NLRP4: variants seen among roughly 807,000 people sequenced by gnomAD.
The protein encoded by NLRP4 is NLR family pyrin domain containing 4.
In NLRP4, 44 loss-of-function variants were observed where a neutral mutation model predicts 84.7. The observed-to-expected ratio is 0.52, with a 90% confidence interval of 0.41 to 0.67. NLRP4 has a LOEUF of 0.67. NLRP4 is among the 30% of genes least tolerant of loss of function. NLRP4 has a pLI of 0.00. For synonymous variants in NLRP4, 544 were observed against 476.4 expected, an observed-to-expected ratio of 1.14 and a Z score of -1.85; for missense variants, 1,260 against 1,219.4, an observed-to-expected ratio of 1.03 and a Z score of -0.50.
At chr19:55,856,629 C>T (rs1984430798) in intron 2 of NLRP4, among the ~76,000 whole-genome samples, 1 of 151,196 alleles carries the variant, frequency 6.6e-6, no homozygotes, top group African/African-American at 2.4e-5. Context: ...GATTCTCCTG[C>T]CTCAGCCTCC....
At chr19:55,876,906 G>A in intron 7 of NLRP4, 90 bp from the exon 8 acceptor site, 6 of 1,072,212 alleles carry the variant, frequency 5.6e-6, no homozygotes, top group African/African-American at 1.6e-5. Context: ...CCACATGAAT[G>A]ACAAAGGCTG....
chr19:55,864,859 CT>C lies in NLRP4; in HGVS notation c.2186+2705del, dbSNP rs1438899790. Among the ~76,000 whole-genome samples the C allele has an allele frequency of 7.9e-5, 12 of 152,136 alleles. 1 individual carries two copies. The East Asian group carries it at 1.4e-3, about 17-fold the overall frequency. ...CTAATGATGAGCATCTTTTCCTGTG[CT>C]TTTTGATCATTTCTATATCTTCTTT... is the stretch of plus-strand genomic sequence containing the variant. On this transcript the variant is annotated intron_variant, in intron 5 of 9. Transcript: ENST00000301295.
chr19:55,859,795 C>A (rs573410559), intron 3 of NLRP4, among the ~76,000 whole-genome samples: 3 of 151,386 alleles, frequency 2.0e-5, no homozygotes, highest in Non-Finnish European at 4.4e-5. Context: ...GGGTGTGTAG[C>A]GCACACCTGT....
intron 7 of NLRP4, among the ~76,000 whole-genome samples, chr19:55,873,143 TA>T (rs1985252713): frequency 6.6e-6 from 1 of 152,164 alleles, no homozygotes; most frequent in African/African-American, 2.4e-5. Context: ...AAAGTAATTC[TA>T]AAGACTGTTC....
At position 55,858,569 on chromosome 19, in the gene NLRP4, CCAG is replaced by C. The variant is rs1401900985; in HGVS notation, c.1179_1181del (p.Gln393del). 3 of 1,614,036 alleles carry C rather than the reference CCAG, an allele frequency of 1.9e-6. No individual in the cohort carries two copies. Among genetic ancestry groups the C allele is most frequent in the African/African-American group, 2.7e-5 (2 of 74,920 alleles). Reference sequence around the variant, plus strand: ...GTGCCGAGGGCCCGACTCCGCAAACCCAGCACCAGCTGAAGGCCCTGTGCTCCC... The same window carrying C: ...GTGCCGAGGGCCCGACTCCGCAAACCCACCAGCTGAAGGCCCTGTGCTCCC... On this transcript the variant is annotated inframe_deletion, in exon 3 of 10. Transcript: ENST00000301295. This position sits in a 1 kb window ranked among gnomAD's most constrained non-coding sequence, Gnocchi z 4.2.
intron 5 of NLRP4, among the ~76,000 whole-genome samples, chr19:55,863,005 C>T (rs1053056530): frequency 2.0e-4 from 31 of 152,194 alleles, no homozygotes; most frequent in Admixed American, 7.9e-4. Context: ...GACAGAGGGA[C>T]CTGTCTCAGT....
At chr19:55,850,210 C>T (rs1600223233) in intron 1 of NLRP4, among the ~76,000 whole-genome samples, 2 of 145,026 alleles carry the variant, frequency 1.4e-5, no homozygotes, top group Non-Finnish European at 3.0e-5. Context: ...GTGTAATTTC[C>T]GTGGCTGCGG....
Position 55,852,168 on chromosome 19 carries a change from C to T in NLRP4, c.88C>T (p.Leu30Phe), listed in dbSNP as rs763757443. ...KEEFRKFKEH[L>F]KQMTLQLELK... ...GGAGTTCAGGAAATTTAAAGAACAT[C>T]TCAAGCAAATGACTTTGCAGCTTGA... The change falls in exon 2 of 10, where the codon CTC becomes TTC. Residue 30 changes from leucine (L) to phenylalanine (F), a missense_variant. Leu to Phe is a conservative substitution (Grantham distance 22, BLOSUM62 0). Around this residue, in one of 3 missense-constraint regions of NLRP4, gnomAD observed 712 missense variants for 669.2 expected, o/e 1.06. Transcript: ENST00000301295. The T allele has an allele frequency of 6.2e-7, 1 of 1,608,924 alleles. No individual in the cohort carries two copies. The highest frequency in any genetic ancestry group is 1.1e-5 in the South Asian group (1 of 89,704).
Position 55,871,007 on chromosome 19 carries a change from T to C in NLRP4, c.2525+10T>C. ...GCCTGGATTCACTGTGGTAGGCTTT[T>C]TGCTGTTTCTTTGAAGACCAAGCCG... On this transcript the variant is annotated intron_variant, in intron 7 of 9. Transcript: ENST00000301295. 2 of 1,612,330 alleles carry C rather than the reference T, an allele frequency of 1.2e-6. No homozygotes were observed. Among genetic ancestry groups the C allele is most frequent in the East Asian group, 2.2e-5 (1 of 44,812 alleles).
chr19:55,870,803 C>T, intron 6 of NLRP4, 24 bp from the exon 7 acceptor site: 1 of 1,596,012 alleles, frequency 6.3e-7, no homozygotes, highest in Non-Finnish European at 8.6e-7. Flanking sequence ...CTTCACTCTC[C>T]TTCTCGTGTT....
chr19:55,844,974 C>G (rs916155955), intron 1 of NLRP4, among the ~76,000 whole-genome samples: 6 of 152,052 alleles, frequency 3.9e-5, no homozygotes, highest in African/African-American at 1.5e-4. Flanking sequence ...TTCAGAGGAT[C>G]TCTTCCCAGA....
At chr19:55,848,964 G>A (rs1039480050) in intron 1 of NLRP4, among the ~76,000 whole-genome samples, 2 of 152,008 alleles carry the variant, frequency 1.3e-5, no homozygotes, top group Non-Finnish European at 2.9e-5. Flanking sequence ...CATGTAAGAT[G>A]TGCCTTTTGC....
chr19:55,849,987 TTCC>T lies in NLRP4; in HGVS notation c.-65-2028_-65-2026del, dbSNP rs1983984967. Among the ~76,000 whole-genome samples, 7 of 26,416 alleles carry T rather than the reference TTCC, an allele frequency of 2.6e-4. 1 individual carries two copies. The South Asian group carries it at 8.7e-3, about 33-fold the overall frequency. The allele number at this position is 26,416 out of a possible 152,430, so 17.3% of individuals were successfully genotyped here. ...GTAATTTCCGTAGCTGCGGTGTAAT[TTCC>T]GAGACTGCGGTGTGATTTCCGAGAC... On this transcript the variant is annotated intron_variant, in intron 1 of 9. Coordinates refer to ENST00000301295, the MANE Select transcript of NLRP4 (RefSeq NM_134444.5).
At chr19:55,842,304 G>T (rs1983642892) in intron 1 of NLRP4, among the ~76,000 whole-genome samples, 1 of 152,128 alleles carries the variant, frequency 6.6e-6, no homozygotes, top group South Asian at 2.1e-4. Context: ...AGTTCGAGTT[G>T]ACCATCACTT....
chr19:55,843,717 T>C (rs546413241), intron 1 of NLRP4, among the ~76,000 whole-genome samples: 5 of 151,906 alleles, frequency 3.3e-5, no homozygotes, highest in African/African-American at 1.2e-4. Flanking sequence ...AAAAGAAACA[T>C]CCTAGTAGCA....
intron 1 of NLRP4, among the ~76,000 whole-genome samples, chr19:55,850,688 T>TACTTC (rs1984066478): frequency 8.2e-6 from 1 of 122,132 alleles, no homozygotes; most frequent in East Asian, 2.7e-4. Flanking sequence ...CGGTGTAATG[T>TACTTC]CCGTGGCTGC....
chr19:55,878,849 ACCTGCAGTAAGAC>A lies in NLRP4; in HGVS notation c.2760_2772del (p.Lys921SerfsTer4). 2 of 1,613,792 alleles carry A rather than the reference ACCTGCAGTAAGAC, an allele frequency of 1.2e-6. No individual in the cohort carries two copies. Among genetic ancestry groups the A allele is most frequent in the Non-Finnish European group, 1.7e-6 (2 of 1,179,830 alleles). On this transcript the variant is annotated frameshift_variant, in exon 9 of 10. Coordinates refer to ENST00000301295, the MANE Select transcript of NLRP4 (RefSeq NM_134444.5). LOFTEE classifies it high-confidence loss of function. ...CTGTAAGGATCTCGCGTCTGTTCTC[ACCTGCAGTAAGAC>A]CCTGCAGCAGCTCAACCTGACCTTG...
intron 1 of NLRP4, among the ~76,000 whole-genome samples, 158 bp downstream of exon 1, chr19:55,837,092 A>G (rs2122980790): frequency 6.6e-6 from 1 of 152,332 alleles, no homozygotes; most frequent in South Asian, 2.1e-4. Context: ...CTAATTATGT[A>G]TATTAGCTGC....
rs183443325 is a variant in NLRP4 at position 55,859,277 on chromosome 19, C to T, written c.1856+28C>T. On this transcript the variant is annotated intron_variant, in intron 3 of 9. Coordinates refer to ENST00000301295, the MANE Select transcript of NLRP4 (RefSeq NM_134444.5). ...GAGTCCATCCTATGACTTTTTCTCT[C>T]TTCTCAGAATCTGTCTGTATTCCCA... The T allele has an allele frequency of 7.7e-6, 12 of 1,549,626 alleles. No homozygotes were observed. The Admixed American group carries it at 1.8e-4, about 24-fold the overall frequency.
Sources: gnomAD v4.1 joint callset for allele counts (sites outside exome capture counted in the v4.1 genomes callset) on GRCh38, gnomAD v4.1.1 for gene constraint, gnomAD v4.1.1 regional missense constraint, Gnocchi (gnomAD v3.1) non-coding constraint, MANE v1.5 for transcripts, NCBI Gene and HGNC (gene_info 2026-07-23, HGNC 2026-07-21) for gene names.